Variants in UVRAG observed in about 807,000 individuals in gnomAD.
The protein encoded by UVRAG is UV radiation resistance associated, also known as UV radiation resistance-associated gene protein.
UVRAG carries 19 observed loss-of-function variants against 78.0 expected under a neutral mutation model. The observed-to-expected ratio is 0.24, with a 90% CI of 0.17 to 0.36. UVRAG has a LOEUF of 0.36. UVRAG is among the 10% of genes least tolerant of loss of function. UVRAG has a pLI of 1.00. For synonymous variants in UVRAG, 323 were observed against 324.6 expected (o/e 1.00, Z 0.05); for missense variants, 740 against 853.8 (o/e 0.87, Z 1.66).
rs557650735 is a variant in UVRAG at position 75,856,245 on chromosome 11, C to T, written c.235+4245C>T. On this transcript the variant is annotated intron_variant, in intron 2 of 14. Transcript: ENST00000356136. ...GTCTCGATCTCCTGACCTCGTGATC[C>T]GCCTGCCTCGGCCTCCAAAAGTGCT... Among the ~76,000 whole-genome samples the T allele has an allele frequency of 1.8e-4, 28 of 152,238 alleles. No individual in the cohort carries two copies. The South Asian group carries it at 2.1e-3, about 11-fold the overall frequency.
intron 5 of UVRAG, among the ~76,000 whole-genome samples, chr11:75,899,661 G>A (rs533259395): frequency 2.6e-5 from 4 of 152,164 alleles, no homozygotes; most frequent in South Asian, 2.1e-4. Flanking sequence ...GTGTGACAGC[G>A]TACCAAGTCT....
chr11:75,901,192 TACAA>T (rs531945215), intron 5 of UVRAG, among the ~76,000 whole-genome samples: 48 of 152,320 alleles, frequency 3.2e-4, no homozygotes, highest in African/African-American at 1.1e-3. Flanking sequence ...GCTGTAGTCA[TACAA>T]ACAAACACTG....
At chr11:75,871,989 A>G (rs1946662121) in intron 3 of UVRAG, among the ~76,000 whole-genome samples, 1 of 152,252 alleles carries the variant, frequency 6.6e-6, no homozygotes, top group Admixed American at 6.5e-5. Flanking sequence ...AATGCCAATT[A>G]GGAATAAACA....
At chr11:75,879,742 C>T (rs572619529) in intron 3 of UVRAG, 137 bp from the exon 4 acceptor site, 69 of 1,106,148 alleles carry the variant, frequency 6.2e-5, no homozygotes, top group Non-Finnish European at 8.1e-5. Flanking sequence ...GTAATGTCTT[C>T]TTGGCTTACT....
intron 13 of UVRAG, among the ~76,000 whole-genome samples, chr11:76,096,585 G>A (rs1325745677): frequency 6.6e-6 from 1 of 152,186 alleles, no homozygotes; most frequent in Non-Finnish European, 1.5e-5. Flanking sequence ...GTGTGTGCGT[G>A]CTAAAGTGAG....
At chr11:75,817,885 A>G (rs1042482617) in intron 1 of UVRAG, among the ~76,000 whole-genome samples, 2 of 147,886 alleles carry the variant, frequency 1.4e-5, no homozygotes, top group Non-Finnish European at 3.0e-5. Context: ...CTCTACTAAA[A>G]GTACAAAAAA....
At chr11:75,951,256 G>A (rs886261435) in intron 6 of UVRAG, among the ~76,000 whole-genome samples, 1 of 151,574 alleles carries the variant, frequency 6.6e-6, no homozygotes, top group Non-Finnish European at 1.5e-5. Context: ...ACTGCCATTT[G>A]TTGACAAAGT....
chr11:75,850,843 A>C (rs1485686292), intron 1 of UVRAG, among the ~76,000 whole-genome samples: 4 of 152,238 alleles, frequency 2.6e-5, no homozygotes, highest in Non-Finnish European at 4.4e-5. Flanking sequence ...GGATTAAACA[A>C]ATTTATTAGA....
rs146526654 is a variant in UVRAG at position 75,829,562 on chromosome 11, TA to T, written c.117+14042del. On this transcript the variant is annotated intron_variant, in intron 1 of 14. Coordinates refer to ENST00000356136, the MANE Select transcript of UVRAG (RefSeq NM_003369.4). ...CCAGAGACTGTTTAGGTGCTGGAAG[TA>T]AAACAGCAAGCAAGACAGAGACACT... Among the ~76,000 whole-genome samples, 1,246 of 152,340 alleles carry T rather than the reference TA, an allele frequency of 8.2e-3. 12 individuals carry two copies. Among genetic ancestry groups the T allele is most frequent in the African/African-American group, 0.025 (1,052 of 41,574 alleles).
intron 1 of UVRAG, among the ~76,000 whole-genome samples, chr11:75,838,352 T>G (rs918031205): frequency 6.6e-6 from 1 of 152,094 alleles, no homozygotes; most frequent in Non-Finnish European, 1.5e-5. Context: ...TTGTTTTTGT[T>G]TTTGAGACAG....
At chr11:75,964,621 G>T (rs1178418611) in intron 7 of UVRAG, among the ~76,000 whole-genome samples, 6 of 152,130 alleles carry the variant, frequency 3.9e-5, no homozygotes. Context: ...ATCAGTTTAG[G>T]GCTGGGCGTG....
At chr11:75,873,558 G>A (rs1159628544) in intron 3 of UVRAG, among the ~76,000 whole-genome samples, 1 of 152,102 alleles carries the variant, frequency 6.6e-6, no homozygotes, top group Non-Finnish European at 1.5e-5. Context: ...AGAATGGGTG[G>A]GGGTAGAGGC....
chr11:75,912,651 A>G (rs1330535682), intron 6 of UVRAG, among the ~76,000 whole-genome samples: 1 of 152,374 alleles, frequency 6.6e-6, no homozygotes, highest in South Asian at 2.1e-4. Flanking sequence ...TAAAGTTAAC[A>G]GCAACACTCA....
chr11:76,008,093 A>G (rs947258219), intron 10 of UVRAG, among the ~76,000 whole-genome samples: 3 of 151,902 alleles, frequency 2.0e-5, no homozygotes, highest in Non-Finnish European at 4.4e-5. Flanking sequence ...TTGTATTTTT[A>G]GAGAGACAGG....
At chr11:75,944,935 A>G (rs1565392482) in intron 6 of UVRAG, among the ~76,000 whole-genome samples, 1 of 152,178 alleles carries the variant, frequency 6.6e-6, no homozygotes, top group African/African-American at 2.4e-5. Flanking sequence ...AGTCAAGTCA[A>G]TATCAATAAT....
At chr11:75,968,318 T>C (rs576796832) in intron 7 of UVRAG, among the ~76,000 whole-genome samples, 106 of 152,304 alleles carry the variant, frequency 7.0e-4, no homozygotes, top group African/African-American at 2.4e-3. Flanking sequence ...ATGTAATCTA[T>C]TGGCGAAATA....
intron 6 of UVRAG, among the ~76,000 whole-genome samples, chr11:75,946,410 AAG>A (rs1197105604): frequency 6.6e-6 from 1 of 152,230 alleles, no homozygotes; most frequent in Non-Finnish European, 1.5e-5. Context: ...TTTGGATTGA[AAG>A]AATGTATTAG....
chr11:75,884,857 C>A (rs1421996183), intron 4 of UVRAG, among the ~76,000 whole-genome samples: 1 of 152,032 alleles, frequency 6.6e-6, no homozygotes, highest in Non-Finnish European at 1.5e-5. Flanking sequence ...CAAAAAATTT[C>A]TGGCTATTCT....
At chr11:76,061,519 C>A (rs968593052) in intron 12 of UVRAG, among the ~76,000 whole-genome samples, 1 of 152,102 alleles carries the variant, frequency 6.6e-6, no homozygotes, top group Non-Finnish European at 1.5e-5. Context: ...TGAGCTGTAA[C>A]ACTCACCGCG....
Sources: gnomAD v4.1 joint callset for allele counts (sites outside exome capture counted in the v4.1 genomes callset) on GRCh38, gnomAD v4.1.1 for gene constraint, MANE v1.5 for transcripts, NCBI Gene and HGNC (gene_info 2026-07-23, HGNC 2026-07-21) for gene names.